The following NEK9 variants were observed in gnomAD, a reference collection of about 807,000 sequenced individuals.
NEK9 encodes the protein NIMA related kinase 9, also known as serine/threonine-protein kinase Nek9.
In NEK9, 75 loss-of-function variants were observed where a neutral mutation model predicts 123.4. The ratio of observed to expected loss-of-function variants is 0.61; its 90% confidence interval spans 0.50 to 0.74. NEK9 has a LOEUF of 0.74. Ranked by LOEUF, NEK9 falls within the 30% of genes least tolerant of loss-of-function variation. The probability of loss-of-function intolerance (pLI) is 0.00; values close to 1 mark genes in which losing one functional copy is unlikely to be tolerated. For missense variants in NEK9, 952 were observed against 1,214.4 expected, an observed-to-expected ratio of 0.78 and a Z score of 3.21; for synonymous variants, 438 against 458.7, an observed-to-expected ratio of 0.95 and a Z score of 0.58.
chr14:75,082,230 A>T lies in NEK9; in HGVS notation c.*2334T>A, dbSNP rs1893886853. ...AGTTCTTCTGCAACAATGTTAGAGC[A>T]GAGGAGTAACTCAGGTTATACTGTA... On this transcript the variant is annotated 3_prime_UTR_variant, in exon 22 of 22. Coordinates refer to ENST00000238616, the MANE Select transcript of NEK9 (RefSeq NM_033116.6). The T allele has an allele frequency of 6.6e-6, 1 of 152,264 alleles. No homozygotes were observed. Among genetic ancestry groups the T allele is most frequent in the Non-Finnish European group, 1.5e-5 (1 of 68,048 alleles). 9.4% of individuals were successfully genotyped at this position (152,264 alleles called of 1,614,324 possible). A position where few individuals can be genotyped will look rare whatever the true frequency, so the allele number is the denominator to read the frequency against.
At chr14:75,123,909 G>T in intron 2 of NEK9, 137 bp downstream of exon 2, 1 of 726,232 alleles carries the variant, frequency 1.4e-6, no homozygotes, top group Non-Finnish European at 2.0e-6. Flanking sequence ...TCCAAGGCCT[G>T]AAAAGTTTCT....
rs1894048443 is a variant in NEK9, at chr14:75,087,048, C to A, written c.2787G>T (p.Lys929Asn). ...ENLQIFTQLQ[K>N]LNKKLEGGQQ... Reference sequence around the variant, plus strand: ...GCCCTCCTTCTAATTTCTTGTTCAACTTCTGCAGTTGGGTAAAAATCTGGA... The same window carrying A: ...GCCCTCCTTCTAATTTCTTGTTCAAATTCTGCAGTTGGGTAAAAATCTGGA... The change falls in exon 21 of 22, where the codon AAG becomes AAT. Residue 929 changes from lysine (K) to asparagine (N), a missense_variant. Coordinates refer to ENST00000238616, the MANE Select transcript of NEK9 (RefSeq NM_033116.6). The A allele has an allele frequency of 6.2e-7, 1 of 1,614,232 alleles. No homozygotes were observed. The highest frequency in any genetic ancestry group is 1.7e-5 in the Admixed American group (1 of 60,032).
At chr14:75,094,182 TC>T (rs1342785550) in intron 18 of NEK9, among the ~76,000 whole-genome samples, 5 of 152,210 alleles carry the variant, frequency 3.3e-5, no homozygotes, top group Non-Finnish European at 7.3e-5. Flanking sequence ...GTGTAATAAG[TC>T]AGTGTATATG....
chr14:75,093,203 T>C (rs755634387), intron 18 of NEK9, among the ~76,000 whole-genome samples: 27 of 152,168 alleles, frequency 1.8e-4, no homozygotes, highest in Admixed American at 2.6e-4. Flanking sequence ...GAGTGCTCAA[T>C]AGCCACAGAA....
In NEK9 at chr14:75,106,545, C is replaced by T; in HGVS notation, c.1485G>A (p.Leu495=). Residue 495 remains leucine (L), a synonymous_variant, in exon 12 of 22, where the codon CTG becomes CTA. Transcript: ENST00000238616. The stretch of plus-strand genomic sequence containing the variant: ...AAGAATAGACTTCCTTGTTTCGTGT[C>T]AGAACCACCACATGATTATCTCCAC... ...VSCGDNHVVV[L]TRNKEVYSWG... The T allele has an allele frequency of 6.2e-7, 1 of 1,614,030 alleles. No individual in the cohort carries two copies. The highest frequency in any genetic ancestry group is 8.5e-7 in the Non-Finnish European group (1 of 1,180,014).
intron 1 of NEK9, 120 bp downstream of exon 1, chr14:75,126,583 A>G (rs1895534438): frequency 3.0e-6 from 2 of 663,384 alleles, no homozygotes; most frequent in Admixed American, 8.6e-5. Context: ...ACCCTAAGAC[A>G]TATACCCCGT....
At chr14:75,113,216 G>A (rs1051874415) in intron 8 of NEK9, 123 bp downstream of exon 8, 4 of 752,210 alleles carry the variant, frequency 5.3e-6, no homozygotes, top group African/African-American at 1.7e-5. Context: ...CAGGGATGTT[G>A]GTAGAAAATA....
chr14:75,106,495 C>T lies in NEK9; in HGVS notation c.1528+7G>A, dbSNP rs778199182. On this transcript the variant is annotated splice_region_variant and intron_variant, in intron 12 of 21. Transcript: ENST00000238616. Reference sequence around the variant, plus strand: ...GAAGAAGTGGACAGAGACAAGGCTACCCCTACCATATTCGCCACAGCCCCA... The same window carrying T: ...GAAGAAGTGGACAGAGACAAGGCTATCCCTACCATATTCGCCACAGCCCCA... 8.1e-6 allele frequency: 13 copies of T among 1,613,702 alleles called. No individual in the cohort carries two copies. The East Asian group carries it at 1.6e-4, about 19-fold the overall frequency.
At chr14:75,095,893 A>T (rs956749170) in intron 17 of NEK9, among the ~76,000 whole-genome samples, 10 of 152,306 alleles carry the variant, frequency 6.6e-5, no homozygotes, top group Middle Eastern at 3.4e-3. Flanking sequence ...CTGTCTCAAA[A>T]TTTAAAAAAA....
In NEK9 at chr14:75,081,793, A is replaced by T. The variant is rs931353100; in HGVS notation, c.*2771T>A. 1.3e-5 allele frequency: 2 copies of T among 152,206 alleles called. No individual in the cohort carries two copies. The highest frequency in any genetic ancestry group is 2.4e-5 in the African/African-American group (1 of 41,448). 9.4% of individuals were successfully genotyped at this position (152,206 alleles called of 1,614,324 possible). On this transcript the variant is annotated 3_prime_UTR_variant, in exon 22 of 22. Coordinates refer to ENST00000238616, the MANE Select transcript of NEK9 (RefSeq NM_033116.6). The surrounding 1 kb of genome is among the most constrained non-coding windows in gnomAD (Gnocchi z 4.2). ...CATAAACTGGCATTATCACTTGGAA[A>T]GGCCCCCACTGAGACTGAGGAGGTA... is the stretch of plus-strand genomic sequence containing the variant.
chr14:75,097,831 G>A (rs1894438575), intron 16 of NEK9, among the ~76,000 whole-genome samples: 1 of 152,144 alleles, frequency 6.6e-6, no homozygotes. Flanking sequence ...TTTCCAGGCA[G>A]AGAGAAGAGC....
intron 11 of NEK9, 83 bp downstream of exon 11, chr14:75,107,260 A>G (rs1452854291): frequency 1.4e-6 from 2 of 1,427,570 alleles, no homozygotes; most frequent in Non-Finnish European, 1.9e-6. Flanking sequence ...CTTTTGTTTT[A>G]AAATCCCAAC....
chr14:75,090,860 A>G (rs1237381065), intron 19 of NEK9, among the ~76,000 whole-genome samples: 1 of 152,232 alleles, frequency 6.6e-6, no homozygotes, highest in Non-Finnish European at 1.5e-5. Flanking sequence ...GGCATGAGCC[A>G]CTGTGCCCAA....
intron 12 of NEK9, 58 bp from the exon 13 acceptor site, chr14:75,106,054 G>C (rs1304989243): frequency 1.4e-6 from 2 of 1,465,040 alleles, no homozygotes; most frequent in South Asian, 2.3e-5. Flanking sequence ...CCAGTGAATA[G>C]GTTCTGTAAG....
rs776371544 is a variant in NEK9, at chr14:75,107,438, T to C, written c.1232A>G (p.Lys411Arg). ...ATGCTTTGGCTGTCGATAGGAGGCTTTGTCTCCATGGCCCAGCTGACCATG... is the reference window on the plus strand; with the variant it reads ...ATGCTTTGGCTGTCGATAGGAGGCTCTGTCTCCATGGCCCAGCTGACCATG... Reference protein sequence around the residue: ...KLHGQLGHGDKASYRQPKHVE... With the variant: ...KLHGQLGHGDRASYRQPKHVE... Residue 411 changes from lysine to arginine, a missense_variant, in exon 11 of 22, where the codon AAA (lysine) becomes AGA (arginine). Around this residue, in one of 4 missense-constraint regions of NEK9, gnomAD observed 698 missense variants for 875.6 expected, o/e 0.80. Transcript: ENST00000238616. 1.9e-5 allele frequency: 30 copies of C among 1,613,670 alleles called. No homozygotes were observed. The South Asian group carries it at 2.7e-4, about 15-fold the overall frequency.
Position 75,080,632 on chromosome 14 carries a change from G to C in NEK9, c.*3932C>G, listed in dbSNP as rs1893843015. Reference sequence around the variant, plus strand: ...TTAAAAATGTATGCAGATGTGCCGAGACAGTATTTCTTTTTTTTTTTTTTT... The same window carrying C: ...TTAAAAATGTATGCAGATGTGCCGACACAGTATTTCTTTTTTTTTTTTTTT... On this transcript the variant is annotated 3_prime_UTR_variant, in exon 22 of 22. Transcript: ENST00000238616. The C allele has an allele frequency of 1.3e-5, 2 of 151,866 alleles. No individual in the cohort carries two copies. The highest frequency in any genetic ancestry group is 4.8e-5 in the African/African-American group (2 of 41,340). The allele number at this position is 151,866 out of a possible 1,614,324, so 9.4% of individuals were successfully genotyped here.
intron 17 of NEK9, 104 bp downstream of exon 17, chr14:75,096,996 C>T: frequency 2.7e-6 from 3 of 1,130,262 alleles, no homozygotes; most frequent in Non-Finnish European, 3.7e-6. Context: ...ACAGAAATGG[C>T]TTCTTCAGGA....
intron 13 of NEK9, among the ~76,000 whole-genome samples, chr14:75,104,572 C>T (rs1460739643): frequency 3.3e-5 from 5 of 151,894 alleles, no homozygotes; most frequent in Admixed American, 1.3e-4. Context: ...ACCTCTGCCT[C>T]CCAGGTTCAA....
At chr14:75,125,112 C>T (rs1895478408) in intron 1 of NEK9, among the ~76,000 whole-genome samples, 1 of 152,038 alleles carries the variant, frequency 6.6e-6, no homozygotes, top group South Asian at 2.1e-4. Context: ...CCAGGAGCAT[C>T]TCCACCTATG....
Sources: gnomAD v4.1 joint callset for allele counts (sites outside exome capture counted in the v4.1 genomes callset) on GRCh38, gnomAD v4.1.1 for gene constraint, gnomAD v4.1.1 regional missense constraint, Gnocchi (gnomAD v3.1) non-coding constraint, MANE v1.5 for transcripts, NCBI Gene and HGNC (gene_info 2026-07-23, HGNC 2026-07-21) for gene names.